The following PMM2 variants were observed in gnomAD, a reference collection of about 807,000 sequenced individuals.
PMM2 encodes the protein mannose-6-phosphate isomerase.
PMM2 carries 35 observed loss-of-function variants against 33.2 expected under a neutral mutation model. The observed-to-expected ratio is 1.06, with a 90% CI of 0.81 to 1.40. The LOEUF is 1.40. Ranked by LOEUF, PMM2 falls within the 40% of genes most tolerant of loss-of-function variation. The pLI is 0.00. For missense variants in PMM2, 386 were observed against 306.0 expected, an observed-to-expected ratio of 1.26 and a Z score of -1.95; for synonymous variants, 153 against 114.7, an observed-to-expected ratio of 1.33 and a Z score of -2.13.
intron 7 of PMM2, among the ~76,000 whole-genome samples, chr16:8,845,586 T>TTTTTTTTC (rs2060920165): frequency 6.6e-6 from 1 of 151,516 alleles, no homozygotes; most frequent in Non-Finnish European, 1.5e-5. Context: ...GGTTTTTTGT[T>TTTTTTTTC]TGTTTTTTTT....
Position 8,815,218 on chromosome 16 carries a change from C to CTTT in PMM2, c.639+2126_639+2128dup, listed in dbSNP as rs59339190. On this transcript the variant is annotated intron_variant, in intron 7 of 7. Coordinates refer to ENST00000268261, the MANE Select transcript of PMM2 (RefSeq NM_000303.3). ...GGTATGAATACACTATATTTTCTTT[C>CTTT]TTTTTTTTTTTTTTTTCTTGAGGCA... Among the ~76,000 whole-genome samples the CTTT allele has an allele frequency of 2.5e-3, 342 of 138,482 alleles. 4 individuals carry two copies. The highest frequency in any genetic ancestry group is 7.6e-3 in the African/African-American group (286 of 37,652). 90.8% of individuals were successfully genotyped at this position (138,482 alleles called of 152,430 possible). A position where few individuals can be genotyped will look rare whatever the true frequency, so the allele number is the denominator to read the frequency against.
chr16:8,842,842 T>C (rs2060898817), intron 7 of PMM2, among the ~76,000 whole-genome samples: 1 of 152,050 alleles, frequency 6.6e-6, no homozygotes, highest in African/African-American at 2.4e-5. Flanking sequence ...GATATTGGCG[T>C]TGAGCGGGGT....
intron 7 of PMM2, among the ~76,000 whole-genome samples, chr16:8,845,119 GAA>G (rs1443844792): frequency 2.0e-5 from 3 of 152,232 alleles, no homozygotes; most frequent in African/African-American, 7.2e-5. Flanking sequence ...GGCTGAGTCC[GAA>G]AAGAGAGTCG....
At chr16:8,837,470 C>G (rs555063451) in intron 7 of PMM2, among the ~76,000 whole-genome samples, 2 of 151,614 alleles carry the variant, frequency 1.3e-5, no homozygotes, top group South Asian at 2.1e-4. Context: ...AAGGTGGAAG[C>G]TTGCCCATAG....
At chr16:8,845,006 G>T (rs1377274020) in intron 7 of PMM2, among the ~76,000 whole-genome samples, 3 of 152,190 alleles carry the variant, frequency 2.0e-5, no homozygotes, top group Non-Finnish European at 4.4e-5. Context: ...GAGGTCTCCC[G>T]ATCTGAGTCA....
chr16:8,814,726 TC>T (rs2060696843), intron 7 of PMM2, among the ~76,000 whole-genome samples: 1 of 152,256 alleles, frequency 6.6e-6, no homozygotes, highest in Non-Finnish European at 1.5e-5. Flanking sequence ...GTATAATTGA[TC>T]AGCAAAAGCT....
At chr16:8,819,515 A>G (rs1026785944) in intron 7 of PMM2, among the ~76,000 whole-genome samples, 8 of 152,138 alleles carry the variant, frequency 5.3e-5, no homozygotes, top group Non-Finnish European at 7.3e-5. Context: ...TGAATGTGCT[A>G]TCTATTGAAA....
chr16:8,798,351 G>C (rs1330061821), intron 1 of PMM2, among the ~76,000 whole-genome samples: 2 of 152,198 alleles, frequency 1.3e-5, no homozygotes, highest in East Asian at 3.8e-4. Context: ...CAGGTTTCCA[G>C]GTCAAACCGA....
intron 7 of PMM2, among the ~76,000 whole-genome samples, chr16:8,838,965 T>C (rs2060871378): frequency 6.6e-6 from 1 of 152,008 alleles, no homozygotes; most frequent in Non-Finnish European, 1.5e-5. Context: ...CAACTGCAGC[T>C]AAAGAGTCAA....
intron 1 of PMM2, among the ~76,000 whole-genome samples, chr16:8,799,375 T>G (rs1168194208): frequency 2.0e-5 from 3 of 152,134 alleles, no homozygotes; most frequent in Non-Finnish European, 4.4e-5. Flanking sequence ...ACACACTCAG[T>G]GAAGAACTAA....
At chr16:8,816,102 A>AC (rs1211528606) in intron 7 of PMM2, among the ~76,000 whole-genome samples, 1 of 152,008 alleles carries the variant, frequency 6.6e-6, no homozygotes, top group East Asian at 1.9e-4. Context: ...AATGAGATAA[A>AC]CCTCACACCT....
chr16:8,834,052 C>CT (rs2060828061), intron 7 of PMM2, among the ~76,000 whole-genome samples: 1 of 152,042 alleles, frequency 6.6e-6, no homozygotes, highest in African/African-American at 2.4e-5. Context: ...GGGGCACAGT[C>CT]TAAGTTGGTC....
At position 8,801,874 on chromosome 16, in the gene PMM2, G is replaced by A. The variant is rs747104013; in HGVS notation, c.142G>A (p.Asp48Asn). The A allele has an allele frequency of 6.2e-7, 1 of 1,611,930 alleles. No homozygotes were observed. Among genetic ancestry groups the A allele is most frequent in the Non-Finnish European group, 8.5e-7 (1 of 1,178,426 alleles). Residue 48 changes from aspartate to asparagine, a missense_variant, in exon 2 of 8, where the codon GAC (aspartate) becomes AAC (asparagine). By Grantham distance (23) the Asp-to-Asn change is conservative. Transcript: ENST00000268261. ...CAAAATCGGAGTGGTAGGCGGATCG[G>A]ACTTTGAGAAAGTGCAGGAGCAACT... ...KIKIGVVGGS[D>N]FEKVQEQLGN...
intron 7 of PMM2, among the ~76,000 whole-genome samples, chr16:8,845,950 A>G (rs1455218371): frequency 1.3e-5 from 2 of 152,202 alleles, no homozygotes; most frequent in Admixed American, 6.5e-5. Context: ...AGGAAAAAAA[A>G]GGCAAAATCA....
intron 2 of PMM2, 127 bp from the exon 3 acceptor site, chr16:8,804,640 G>C (rs940188628): frequency 4.6e-5 from 33 of 720,966 alleles, no homozygotes; most frequent in Non-Finnish European, 7.6e-6. Context: ...TAGTCTGTAA[G>C]ATGAGATAGT....
intron 4 of PMM2, chr16:8,808,110 T>C (rs564190736): frequency 1.3e-5 from 2 of 152,222 alleles, no homozygotes; most frequent in East Asian, 1.9e-4. Flanking sequence ...CTTCACACTA[T>C]TAGGATTCAT....
At chr16:8,828,891 C>T (rs1310440449) in intron 7 of PMM2, among the ~76,000 whole-genome samples, 1 of 152,224 alleles carries the variant, frequency 6.6e-6, no homozygotes, top group Non-Finnish European at 1.5e-5. Context: ...TGTGTGAATA[C>T]TGACTCCCCC....
chr16:8,843,403 T>C (rs1324890343), intron 7 of PMM2, among the ~76,000 whole-genome samples: 2 of 152,170 alleles, frequency 1.3e-5, no homozygotes, highest in African/African-American at 4.8e-5. Flanking sequence ...GCCAGAGTTC[T>C]AGGGGCTCTG....
In PMM2 at chr16:8,801,879, T is replaced by A. The variant is rs1263549535; in HGVS notation, c.147T>A (p.Phe49Leu). The A allele has an allele frequency of 3.1e-6, 5 of 1,610,518 alleles. No homozygotes were observed. The highest frequency in any genetic ancestry group is 1.3e-5 in the African/African-American group (1 of 74,772). The change falls in exon 2 of 8, where the codon TTT becomes TTA. Residue 49 changes from phenylalanine to leucine, a missense_variant. Phe to Leu is a conservative substitution (Grantham distance 22, BLOSUM62 0). Coordinates refer to ENST00000268261, the MANE Select transcript of PMM2 (RefSeq NM_000303.3). Reference sequence around the variant, plus strand: ...TCGGAGTGGTAGGCGGATCGGACTTTGAGAAAGTGCAGGAGCAACTGGGAA... The same window carrying A: ...TCGGAGTGGTAGGCGGATCGGACTTAGAGAAAGTGCAGGAGCAACTGGGAA... The part of the protein sequence containing the change: ...IKIGVVGGSD[F>L]EKVQEQLGND...
Sources: gnomAD v4.1 joint callset for allele counts (sites outside exome capture counted in the v4.1 genomes callset) on GRCh38, gnomAD v4.1.1 for gene constraint, MANE v1.5 for transcripts, NCBI Gene and HGNC (gene_info 2026-07-23, HGNC 2026-07-21) for gene names.